TET3: variants seen among roughly 807,000 people sequenced by gnomAD.
TET3 encodes tet methylcytosine dioxygenase 3.
A neutral mutation model predicts 141.4 loss-of-function variants in TET3; 19 were observed. The ratio of observed to expected loss-of-function variants is 0.13; its 90% CI spans 0.09 to 0.20. The LOEUF (loss-of-function observed/expected upper bound fraction) is 0.20. Ranked by LOEUF, TET3 falls within the 10% of genes least tolerant of loss-of-function variation. The pLI, the probability that TET3 is intolerant of heterozygous loss-of-function variation, is 1.00. For missense variants in TET3, 1,874 were observed against 2,356.9 expected, an observed-to-expected ratio of 0.80 and a Z score of 4.24; for synonymous variants, 1,043 against 980.9, an observed-to-expected ratio of 1.06 and a Z score of -1.18.
chr2:74,025,766 CCTT>C (rs763359110), intron 3 of TET3, among the ~76,000 whole-genome samples: 8 of 152,080 alleles, frequency 5.3e-5, no homozygotes, highest in Non-Finnish European at 8.8e-5. Context: ...GTTTAAGTCT[CCTT>C]TAATCTGGAG....
chr2:74,118,457 T>C, the TET3 span, among the ~76,000 whole-genome samples: 1 of 152,232 alleles, frequency 6.6e-6, no homozygotes, highest in Non-Finnish European at 1.5e-5. Context: ...TGTATTTTCA[T>C]TACGATTTTC....
At chr2:74,017,199 G>C (rs747047997) in intron 3 of TET3, among the ~76,000 whole-genome samples, 8 of 152,164 alleles carry the variant, frequency 5.3e-5, no homozygotes, top group Admixed American at 2.0e-4. Context: ...TGACATGGGA[G>C]GATTGCTTGA....
chr2:74,133,226 C>A, the TET3 span, among the ~76,000 whole-genome samples: 1 of 152,120 alleles, frequency 6.6e-6, no homozygotes, highest in African/African-American at 2.4e-5. Flanking sequence ...AAGTTTGGCT[C>A]TTCAACCCGT....
chr2:74,128,795 A>C, the TET3 span, among the ~76,000 whole-genome samples: 3 of 151,726 alleles, frequency 2.0e-5, no homozygotes, highest in African/African-American at 7.3e-5. Context: ...CAGCCTGGGC[A>C]ACATAGTAAG....
chr2:74,088,132 G>T, intron 7 of TET3, 94 bp downstream of exon 7: 1 of 1,300,208 alleles, frequency 7.7e-7, no homozygotes, highest in Non-Finnish European at 1.1e-6. Context: ...AAGGCTCCTA[G>T]GGGCCCTCTC....
intron 3 of TET3, among the ~76,000 whole-genome samples, chr2:74,022,931 A>C (rs1205699725): frequency 6.6e-6 from 1 of 152,076 alleles, no homozygotes; most frequent in Non-Finnish European, 1.5e-5. Context: ...ACTCGCCATC[A>C]CGCCTGGCTA....
chr2:74,029,391 C>T (rs1432478605), intron 3 of TET3, among the ~76,000 whole-genome samples: 1 of 152,166 alleles, frequency 6.6e-6, no homozygotes, highest in African/African-American at 2.4e-5. Context: ...ATATAGCAAA[C>T]AGGAGAAAAC....
chr2:74,070,475 A>G (rs1019312795), intron 4 of TET3, among the ~76,000 whole-genome samples: 2 of 152,178 alleles, frequency 1.3e-5, no homozygotes, highest in African/African-American at 4.8e-5. Flanking sequence ...GCTACAATTC[A>G]AGATGAGATT....
At chr2:74,074,314 A>G (rs952023683) in intron 5 of TET3, among the ~76,000 whole-genome samples, 1 of 152,192 alleles carries the variant, frequency 6.6e-6, no homozygotes, top group Non-Finnish European at 1.5e-5. Flanking sequence ...ATGACTACAC[A>G]GGGGTTGTTC....
At chr2:74,027,234 C>T (rs1249365253) in intron 3 of TET3, among the ~76,000 whole-genome samples, 1 of 152,126 alleles carries the variant, frequency 6.6e-6, no homozygotes, top group African/African-American at 2.4e-5. Context: ...TCTGCTTTTG[C>T]CTCAAAGCTG....
chr2:74,127,825 G>A, the TET3 span, among the ~76,000 whole-genome samples: 9 of 152,020 alleles, frequency 5.9e-5, no homozygotes, highest in African/African-American at 9.7e-5. Flanking sequence ...CTTCAGCAGC[G>A]ACAACAAACA....
At chr2:74,072,934 T>C (rs1428960112) in intron 4 of TET3, among the ~76,000 whole-genome samples, 2 of 152,254 alleles carry the variant, frequency 1.3e-5, no homozygotes, top group Admixed American at 1.3e-4. Flanking sequence ...CTTCATTCCT[T>C]TTTTGGCTGA....
the TET3 span, among the ~76,000 whole-genome samples, chr2:74,116,207 T>A: frequency 6.6e-6 from 1 of 151,828 alleles, no homozygotes; most frequent in Non-Finnish European, 1.5e-5. Flanking sequence ...AGACAAAAAA[T>A]AAATGCTGGT....
chr2:74,010,863 C>T (rs1378300781), intron 3 of TET3, among the ~76,000 whole-genome samples: 1 of 152,192 alleles, frequency 6.6e-6, no homozygotes, highest in Non-Finnish European at 1.5e-5. Flanking sequence ...TCCATGAGTT[C>T]ATAGTTATTA....
intron 4 of TET3, among the ~76,000 whole-genome samples, chr2:74,056,939 G>A (rs1340389066): frequency 6.6e-6 from 1 of 152,202 alleles, no homozygotes; most frequent in Non-Finnish European, 1.5e-5. Flanking sequence ...GGAGAAATGG[G>A]CTGGAAGATG....
At chr2:74,008,838 T>G (rs140472466) in intron 3 of TET3, among the ~76,000 whole-genome samples, 59 of 152,252 alleles carry the variant, frequency 3.9e-4, no homozygotes, top group African/African-American at 1.2e-3. Context: ...ATAGGAAGAT[T>G]AGGGTCTAAA....
intron 10 of TET3, among the ~76,000 whole-genome samples, chr2:74,097,556 G>A (rs567040295): frequency 7.2e-5 from 11 of 152,248 alleles, no homozygotes; most frequent in Admixed American, 6.5e-5. Context: ...GGTCATGCTC[G>A]GGGGCTACTC....
intron 3 of TET3, among the ~76,000 whole-genome samples, chr2:74,009,013 A>G (rs551892246): frequency 6.6e-6 from 1 of 152,340 alleles, no homozygotes; most frequent in East Asian, 1.9e-4. Context: ...TGTCCCTGAC[A>G]CTGAGCTCCT....
Position 74,047,681 on chromosome 2 carries a change from T to G in TET3, c.1764T>G (p.Gly588=), listed in dbSNP as rs775560946. The G allele has an allele frequency of 1.2e-6, 2 of 1,612,842 alleles. No individual in the cohort carries two copies. ...AGAAGCTCCCAACACCAGCTGGAGGTCCCGTGGGAACGGAGAAAGCTGCCC... is the reference window on the plus strand; with the variant it reads ...AGAAGCTCCCAACACCAGCTGGAGGGCCCGTGGGAACGGAGAAAGCTGCCC... ...KKKKLPTPAG[G]PVGTEKAAPG... is the part of the protein sequence containing the mutation. The change falls in exon 4 of 12, where the codon GGT becomes GGG. Residue 588 remains glycine (G), a synonymous_variant. Coordinates refer to ENST00000409262, the MANE Select transcript of TET3 (RefSeq NM_001287491.2).
Sources: allele counts gnomAD v4.1 joint callset (sites outside exome capture counted in the v4.1 genomes callset), GRCh38; gene constraint gnomAD v4.1.1; transcripts MANE v1.5; gene names NCBI Gene and HGNC (gene_info 2026-07-23, HGNC 2026-07-21).